ANOS1: variants seen among roughly 807,000 people sequenced by gnomAD.
ANOS1 encodes the protein anosmin-1.
A neutral mutation model predicts 59.0 loss-of-function variants in ANOS1; 6 were observed. The ratio of observed to expected loss-of-function variants is 0.10; its 90% CI spans 0.06 to 0.20. The LOEUF is 0.20. Ranked by LOEUF, ANOS1 falls within the 10% of genes least tolerant of loss-of-function variation. ANOS1 has a pLI of 1.00. For synonymous variants in ANOS1, 217 were observed against 223.4 expected (o/e 0.97, Z 0.25); for missense variants, 433 against 542.3 (o/e 0.80, Z 2.00).
chrX:8,541,144 C>T (rs1049013647), intron 9 of ANOS1, among the ~76,000 whole-genome samples: 47 of 102,702 alleles, frequency 4.6e-4, no homozygotes, highest in African/African-American at 1.6e-3. Context: ...GTGGTTCACG[C>T]CTGTAATCCC....
At chrX:8,617,154 C>T (rs1931191158) in intron 3 of ANOS1, among the ~76,000 whole-genome samples, 2 of 112,132 alleles carry the variant, frequency 1.8e-5, no homozygotes, top group African/African-American at 6.5e-5. Context: ...AGCCAACACA[C>T]ATTTGGGGAA....
intron 3 of ANOS1, among the ~76,000 whole-genome samples, chrX:8,599,579 G>T (rs1930805342): frequency 8.9e-6 from 1 of 111,894 alleles, no homozygotes; most frequent in South Asian, 3.8e-4. Flanking sequence ...CCATTGCCTG[G>T]TAATGCCTGG....
At chrX:8,636,926 T>TGG (rs748641980) in intron 2 of ANOS1, among the ~76,000 whole-genome samples, 28 of 112,430 alleles carry the variant, frequency 2.5e-4, no homozygotes, top group Non-Finnish European at 4.9e-4. Flanking sequence ...GGAAACACCA[T>TGG]GGTGGAGAAT....
At chrX:8,705,280 A>C (rs1486735964) in intron 1 of ANOS1, among the ~76,000 whole-genome samples, 2 of 111,941 alleles carry the variant, frequency 1.8e-5, no homozygotes, top group African/African-American at 6.5e-5. Flanking sequence ...CATCTTTTGC[A>C]TTTATTTGTG....
chrX:8,597,098 C>T lies in ANOS1; in HGVS notation c.477G>A (p.Gly159=), dbSNP rs1353434583. The T allele has an allele frequency of 8.3e-7, 1 of 1,209,249 alleles. No individual in the cohort carries two copies. The highest frequency in any genetic ancestry group is 1.1e-6 in the Non-Finnish European group (1 of 895,129). Residue 159 remains glycine (G), a synonymous_variant, in exon 4 of 14, where the codon GGG becomes GGA. Coordinates refer to ENST00000262648, the MANE Select transcript of ANOS1 (RefSeq NM_000216.4). ...ACCCATTCGAACAACATTTCTTCAC[C>T]CCAGAGCACTCATTGTCAACTTCGC... ...ESCEVDNECS[G]VKKCCSNGCG...
chrX:8,566,553 T>A (rs1930117761), intron 8 of ANOS1, among the ~76,000 whole-genome samples: 1 of 111,506 alleles, frequency 9.0e-6, no homozygotes, highest in Admixed American at 9.6e-5. Flanking sequence ...AATATAGTAT[T>A]CCTGGCATTA....
intron 2 of ANOS1, among the ~76,000 whole-genome samples, chrX:8,632,840 C>G (rs2146852680): frequency 9.1e-6 from 1 of 110,089 alleles, no homozygotes; most frequent in Non-Finnish European, 1.9e-5. Flanking sequence ...ACAATGCTAT[C>G]TACAAAAGTT....
At chrX:8,649,806 G>A (rs780917066) in intron 2 of ANOS1, among the ~76,000 whole-genome samples, 11 of 112,167 alleles carry the variant, frequency 9.8e-5, no homozygotes, top group Non-Finnish European at 1.9e-4. Context: ...ACAGCCTGCT[G>A]AGCCCCAATC....
chrX:8,611,239 C>A (rs2146837035), intron 3 of ANOS1, among the ~76,000 whole-genome samples: 1 of 97,661 alleles, frequency 1.0e-5, no homozygotes, highest in African/African-American at 3.8e-5. Flanking sequence ...AAAAGGAAAG[C>A]AAAGACACAA....
intron 2 of ANOS1, among the ~76,000 whole-genome samples, chrX:8,625,064 G>A (rs753470332): frequency 3.6e-5 from 4 of 110,293 alleles, no homozygotes; most frequent in East Asian, 2.8e-4. Flanking sequence ...AGCCGAGATC[G>A]GGCCACTGCA....
chrX:8,540,721 T>C (rs779353375), intron 9 of ANOS1, among the ~76,000 whole-genome samples: 201 of 106,755 alleles, frequency 1.9e-3, no homozygotes, highest in African/African-American at 6.6e-3. Flanking sequence ...GAAAACTCTT[T>C]GATGAAATTG....
At chrX:8,553,909 C>G (rs368973037) in intron 9 of ANOS1, 43 bp downstream of exon 9, 2 of 1,121,262 alleles carry the variant, frequency 1.8e-6, no homozygotes, top group Non-Finnish European at 2.5e-6. Flanking sequence ...TATTACTGTG[C>G]TGTTTAAAGC....
intron 3 of ANOS1, among the ~76,000 whole-genome samples, chrX:8,601,193 CAAA>C (rs34363483): frequency 1.0e-3 from 65 of 62,099 alleles, no homozygotes; most frequent in Middle Eastern, 7.9e-3. Flanking sequence ...GACTTTGTCT[CAAA>C]AAAAAAAAAA....
intron 8 of ANOS1, among the ~76,000 whole-genome samples, chrX:8,561,975 G>A (rs763921074): frequency 4.6e-5 from 5 of 109,543 alleles, no homozygotes; most frequent in East Asian, 2.9e-4. Context: ...TCACTCTGTC[G>A]CCCAAGCTGT....
chrX:8,554,557 T>TG lies in ANOS1; in HGVS notation c.1208-460_1208-459insC, dbSNP rs1391695986. On this transcript the variant is annotated intron_variant, in intron 8 of 13. Coordinates refer to ENST00000262648, the MANE Select transcript of ANOS1 (RefSeq NM_000216.4). ...GGCTACAGGAGTTTTTTTTTTTTTT[T>TG]TTTTTTTTTTTTTGTTGTTGTTGTT... 3.1e-3 allele frequency among the ~76,000 whole-genome samples: 301 copies of TG among 97,992 alleles called. 1 individual carries two copies. Among genetic ancestry groups the TG allele is most frequent in the African/African-American group, 0.011 (291 of 25,557 alleles). 85.1% of individuals were successfully genotyped at this position (97,992 alleles called of 115,157 possible). A position where few individuals can be genotyped will look rare whatever the true frequency, so the allele number is the denominator to read the frequency against.
chrX:8,579,825 A>G (rs1930391919), intron 6 of ANOS1, among the ~76,000 whole-genome samples: 1 of 111,745 alleles, frequency 8.9e-6, no homozygotes, highest in Non-Finnish European at 1.9e-5. Flanking sequence ...GCTTCACGCT[A>G]GCTCCCTGAG....
intron 1 of ANOS1, among the ~76,000 whole-genome samples, chrX:8,720,767 TAAAA>T (rs777588091): frequency 1.3e-3 from 138 of 107,972 alleles, no homozygotes; most frequent in African/African-American, 4.5e-3. Flanking sequence ...ACAAAAAACT[TAAAA>T]AAAAAGTAGC....
chrX:8,676,629 C>T (rs1426374193), intron 2 of ANOS1, among the ~76,000 whole-genome samples: 1 of 111,976 alleles, frequency 8.9e-6, no homozygotes, highest in Non-Finnish European at 1.9e-5. Flanking sequence ...CGGTCATGGT[C>T]TAGCCAGTTT....
chrX:8,700,336 T>G (rs1251642546), intron 1 of ANOS1, among the ~76,000 whole-genome samples: 1 of 110,639 alleles, frequency 9.0e-6, no homozygotes, highest in Non-Finnish European at 1.9e-5. Context: ...CAAGCACATC[T>G]TACCATGGCA....
Sources: gnomAD v4.1 joint callset for allele counts (sites outside exome capture counted in the v4.1 genomes callset) on GRCh38, gnomAD v4.1.1 for gene constraint, MANE v1.5 for transcripts, NCBI Gene and HGNC (gene_info 2026-07-23, HGNC 2026-07-21) for gene names.